FGGY: variants seen among roughly 807,000 people sequenced by gnomAD.
FGGY encodes FGGY carbohydrate kinase domain containing.
A neutral mutation model predicts 71.3 loss-of-function variants in FGGY; 72 were observed. The ratio of observed to expected loss-of-function variants is 1.01; its 90% CI spans 0.84 to 1.23. FGGY has a LOEUF of 1.23. Among genes scored for constraint, FGGY ranks in the 50% most tolerant of loss-of-function variants. FGGY has a pLI of 0.00. For missense variants in FGGY, 668 were observed against 682.3 expected, an observed-to-expected ratio of 0.98 and a Z score of 0.23; for synonymous variants, 251 against 250.3, an observed-to-expected ratio of 1.00 and a Z score of -0.02.
intron 1 of FGGY, among the ~76,000 whole-genome samples, chr1:59,311,418 G>A (rs986449663): frequency 1.3e-5 from 2 of 151,664 alleles, no homozygotes; most frequent in African/African-American, 4.9e-5. Flanking sequence ...ACAGGCCCTA[G>A]TGTGTGTTGT....
intron 7 of FGGY, among the ~76,000 whole-genome samples, chr1:59,548,517 A>G (rs1429341812): frequency 6.6e-6 from 1 of 152,170 alleles, no homozygotes; most frequent in Non-Finnish European, 1.5e-5. Flanking sequence ...GCCCAAGGGG[A>G]TGAAAGAGGG....
At chr1:59,515,670 CAA>C (rs2094626639) in intron 7 of FGGY, among the ~76,000 whole-genome samples, 1 of 152,190 alleles carries the variant, frequency 6.6e-6, no homozygotes, top group African/African-American at 2.4e-5. Context: ...GTAAGTCTCA[CAA>C]GATCTGATGG....
At chr1:59,494,177 A>G (rs986582638) in intron 6 of FGGY, among the ~76,000 whole-genome samples, 1 of 152,238 alleles carries the variant, frequency 6.6e-6, no homozygotes, top group Non-Finnish European at 1.5e-5. Flanking sequence ...TCACATTACC[A>G]TGTGAGATGG....
At chr1:59,473,510 A>AG (rs751243438) in intron 6 of FGGY, among the ~76,000 whole-genome samples, 1 of 152,182 alleles carries the variant, frequency 6.6e-6, no homozygotes, top group Admixed American at 6.5e-5. Context: ...ACCAGAAAAG[A>AG]GGGGAAATGG....
intron 14 of FGGY, among the ~76,000 whole-genome samples, chr1:59,756,570 C>G (rs1396633733): frequency 6.6e-6 from 1 of 152,222 alleles, no homozygotes; most frequent in Non-Finnish European, 1.5e-5. Flanking sequence ...AAGGCCCATG[C>G]AATCTTCCTC....
chr1:59,504,644 T>C (rs1040559746), intron 6 of FGGY, among the ~76,000 whole-genome samples: 1 of 152,112 alleles, frequency 6.6e-6, no homozygotes, highest in African/African-American at 2.4e-5. Flanking sequence ...TCAGAGTTTT[T>C]CCCTCAACAG....
chr1:59,365,965 A>G (rs1001558175), intron 4 of FGGY, among the ~76,000 whole-genome samples: 2 of 152,216 alleles, frequency 1.3e-5, no homozygotes, highest in African/African-American at 4.8e-5. Context: ...GAGGACGGCA[A>G]TCAAAATCAG....
intron 8 of FGGY, among the ~76,000 whole-genome samples, chr1:59,578,367 C>T (rs908155024): frequency 2.0e-5 from 3 of 151,936 alleles, no homozygotes; most frequent in Non-Finnish European, 2.9e-5. Context: ...CAGATAACAA[C>T]GTATATGCAT....
intron 14 of FGGY, among the ~76,000 whole-genome samples, chr1:59,739,839 G>A (rs1001956368): frequency 6.6e-5 from 10 of 152,130 alleles, no homozygotes; most frequent in African/African-American, 2.4e-4. Flanking sequence ...CATAAGGCAG[G>A]CTTCTACCAC....
intron 14 of FGGY, among the ~76,000 whole-genome samples, chr1:59,743,723 A>G (rs897146652): frequency 6.6e-6 from 1 of 152,202 alleles, no homozygotes; most frequent in Non-Finnish European, 1.5e-5. Context: ...AACACAGCTG[A>G]CATAGTTGTT....
At chr1:59,759,224 G>A (rs770813273) in intron 15 of FGGY, among the ~76,000 whole-genome samples, 9 of 152,188 alleles carry the variant, frequency 5.9e-5, no homozygotes, top group Non-Finnish European at 1.0e-4. Context: ...AATTGGAAAT[G>A]TTCATGGAAA....
chr1:59,674,171 C>A (rs1326963497), intron 14 of FGGY, 38 bp downstream of exon 14: 2 of 1,503,096 alleles, frequency 1.3e-6, no homozygotes, highest in East Asian at 2.3e-5. Flanking sequence ...GGCTCCTCCC[C>A]TGTCTGAGGC....
intron 1 of FGGY, among the ~76,000 whole-genome samples, chr1:59,304,409 A>C (rs1569957883): frequency 6.6e-6 from 1 of 151,970 alleles, no homozygotes; most frequent in Non-Finnish European, 1.5e-5. Context: ...TGGGTTTTCT[A>C]TTGGTTCCAT....
chr1:59,300,212 A>G lies in FGGY; in HGVS notation c.-15+3062A>G, dbSNP rs1175031988. Among the ~76,000 whole-genome samples the G allele has an allele frequency of 2.0e-5, 3 of 152,228 alleles. No individual in the cohort carries two copies. In the East Asian group the frequency reaches 5.8e-4, roughly 29 times the overall value. ...TTATATGCATATATCTATGAAAACC[A>G]TCATGACCATCAAAAGAACATACCT... On this transcript the variant is annotated intron_variant, in intron 1 of 15. Transcript: ENST00000303721.
intron 11 of FGGY, among the ~76,000 whole-genome samples, chr1:59,649,358 G>C (rs998323499): frequency 8.1e-6 from 1 of 123,174 alleles, no homozygotes; most frequent in Non-Finnish European, 1.7e-5. Flanking sequence ...CCATTTTCAC[G>C]ATATTGATTC....
intron 6 of FGGY, among the ~76,000 whole-genome samples, chr1:59,495,797 G>T (rs2094011516): frequency 6.6e-6 from 1 of 152,054 alleles, no homozygotes; most frequent in South Asian, 2.1e-4. Context: ...TGTTGTAGGT[G>T]TGTGGCTTTA....
chr1:59,556,947 C>T (rs1021283514), intron 8 of FGGY, among the ~76,000 whole-genome samples: 1 of 152,134 alleles, frequency 6.6e-6, no homozygotes, highest in African/African-American at 2.4e-5. Context: ...AAGTCCCCAC[C>T]CCCATCCTGC....
chr1:59,308,803 T>G (rs2043822192), intron 1 of FGGY, among the ~76,000 whole-genome samples: 1 of 152,212 alleles, frequency 6.6e-6, no homozygotes, highest in Non-Finnish European at 1.5e-5. Flanking sequence ...TTTTGCTCTA[T>G]TCTTTATTAA....
At chr1:59,541,255 C>T (rs917012184) in intron 7 of FGGY, among the ~76,000 whole-genome samples, 4 of 152,096 alleles carry the variant, frequency 2.6e-5, no homozygotes, top group African/African-American at 9.7e-5. Context: ...GCCACACAGC[C>T]CCATAGAAAG....
Sources: allele counts gnomAD v4.1 joint callset (sites outside exome capture counted in the v4.1 genomes callset), GRCh38; gene constraint gnomAD v4.1.1; transcripts MANE v1.5; gene names NCBI Gene and HGNC (gene_info 2026-07-23, HGNC 2026-07-21).